SLC26A7: variants seen among roughly 807,000 people sequenced by gnomAD.
SLC26A7 encodes the protein solute carrier family 26 member 7.
In SLC26A7, 59 loss-of-function variants were observed where a neutral mutation model predicts 82.5. The ratio of observed to expected loss-of-function variants is 0.72; its 90% CI spans 0.58 to 0.89. The LOEUF is 0.89. Ranked by LOEUF, SLC26A7 falls within the 40% of genes least tolerant of loss-of-function variation. SLC26A7 has a pLI of 0.00. For synonymous variants in SLC26A7, 271 were observed against 274.3 expected, an observed-to-expected ratio of 0.99 and a Z score of 0.12; for missense variants, 820 against 793.0, an observed-to-expected ratio of 1.03 and a Z score of -0.41.
intron 10 of SLC26A7, among the ~76,000 whole-genome samples, chr8:91,352,101 C>G (rs941882415): frequency 8.6e-5 from 13 of 152,002 alleles, no homozygotes; most frequent in Middle Eastern, 3.4e-3. Context: ...GTTTTTGGCT[C>G]TCACATAAGA....
chr8:91,237,014 A>T (rs1292543095), intron 2 of SLC26A7, among the ~76,000 whole-genome samples: 1 of 152,216 alleles, frequency 6.6e-6, no homozygotes, highest in Admixed American at 6.5e-5. Flanking sequence ...CAAAGCTAAG[A>T]AGTGACAGAA....
chr8:91,348,984 G>A (rs907083482), intron 9 of SLC26A7, among the ~76,000 whole-genome samples: 3 of 152,258 alleles, frequency 2.0e-5, no homozygotes, highest in Admixed American at 6.5e-5. Flanking sequence ...GCCAGTTAGG[G>A]AATGATGGCT....
intron 1 of SLC26A7, among the ~76,000 whole-genome samples, chr8:91,212,145 CTAA>C (rs1165115696): frequency 6.6e-6 from 1 of 152,084 alleles, no homozygotes; most frequent in African/African-American, 2.4e-5. Flanking sequence ...ATATTAGCTA[CTAA>C]TGATATAAAT....
intron 13 of SLC26A7, among the ~76,000 whole-genome samples, chr8:91,365,490 C>T (rs1393659894): frequency 6.6e-6 from 1 of 152,180 alleles, no homozygotes; most frequent in Admixed American, 6.5e-5. Context: ...ACTAATATGA[C>T]AGGCCTAAGA....
chr8:91,369,732 A>G, intron 14 of SLC26A7, 53 bp from the exon 15 acceptor site: 1 of 1,323,902 alleles, frequency 7.6e-7, no homozygotes, highest in Non-Finnish European at 1.0e-6. Context: ...TTTTTTTCAG[A>G]CAGAAGTAAA....
chr8:91,300,607 C>T (rs1812139185), intron 4 of SLC26A7, among the ~76,000 whole-genome samples: 1 of 152,044 alleles, frequency 6.6e-6, no homozygotes, highest in Admixed American at 6.5e-5. Context: ...CCGTTATAGC[C>T]GGGATGGTCT....
intron 2 of SLC26A7, among the ~76,000 whole-genome samples, chr8:91,259,370 C>T (rs1024575868): frequency 6.6e-6 from 1 of 152,054 alleles, no homozygotes; most frequent in East Asian, 1.9e-4. Context: ...TTCTGCTCAG[C>T]TCTAGAACAG....
chr8:91,282,480 T>C (rs1341352798), intron 2 of SLC26A7, among the ~76,000 whole-genome samples: 1 of 152,188 alleles, frequency 6.6e-6, no homozygotes, highest in Non-Finnish European at 1.5e-5. Flanking sequence ...TCCTAGTTTT[T>C]GCTGAGCTTG....
chr8:91,278,524 G>C (rs899100449), intron 2 of SLC26A7, among the ~76,000 whole-genome samples: 32 of 152,036 alleles, frequency 2.1e-4, no homozygotes, highest in African/African-American at 7.5e-4. Context: ...AGTATATCAC[G>C]AAATTAATGC....
rs746364778 is a variant in SLC26A7 at position 91,353,021 on chromosome 8, A to C, written c.1314+25A>C. On this transcript the variant is annotated intron_variant, in intron 11 of 18. Coordinates refer to ENST00000276609, the MANE Select transcript of SLC26A7 (RefSeq NM_052832.4). ...GGTAAGTAGAAATTTGACCTAAAAC[A>C]ATCCCTTTTTAGCTTAAGCTTATGT... 7 of 1,516,848 alleles carry C rather than the reference A, an allele frequency of 4.6e-6. No individual in the cohort carries two copies. The East Asian group carries it at 1.1e-4, about 25-fold the overall frequency. 94.0% of individuals were successfully genotyped at this position (1,516,848 alleles called of 1,614,324 possible). A position where few individuals can be genotyped will look rare whatever the true frequency, so the allele number is the denominator to read the frequency against.
At chr8:91,332,952 A>G (rs1411814310) in intron 5 of SLC26A7, among the ~76,000 whole-genome samples, 1 of 152,142 alleles carries the variant, frequency 6.6e-6, no homozygotes, top group South Asian at 2.1e-4. Flanking sequence ...AATATTCTGT[A>G]TGAATTTGAG....
chr8:91,229,843 T>C (rs1430254768), intron 2 of SLC26A7, among the ~76,000 whole-genome samples: 1 of 152,204 alleles, frequency 6.6e-6, no homozygotes, highest in Non-Finnish European at 1.5e-5. Context: ...AAACAATGGA[T>C]ACCCGTTTAT....
At position 91,396,036 on chromosome 8, in the gene SLC26A7, G is replaced by A. The variant is rs1808562271; in HGVS notation, c.*939G>A. 1 of 152,018 alleles carries A rather than the reference G, an allele frequency of 6.6e-6. No homozygotes were observed. The highest frequency in any genetic ancestry group is 1.5e-5 in the Non-Finnish European group (1 of 67,920). The allele number at this position is 152,018 out of a possible 1,614,324, so 9.4% of individuals were successfully genotyped here. On this transcript the variant is annotated 3_prime_UTR_variant, in exon 19 of 19. Transcript: ENST00000276609. ...ATGTTTATCTATATCCATATGGATGGATAGGTAGGTAGATCTTCATAGATT... is the reference window on the plus strand; with the variant it reads ...ATGTTTATCTATATCCATATGGATGAATAGGTAGGTAGATCTTCATAGATT...
At chr8:91,217,001 C>T (rs922731600) in intron 1 of SLC26A7, among the ~76,000 whole-genome samples, 1 of 152,102 alleles carries the variant, frequency 6.6e-6, no homozygotes, top group African/African-American at 2.4e-5. Context: ...CCCAGCTCAC[C>T]TTTTTCTTAT....
intron 14 of SLC26A7, among the ~76,000 whole-genome samples, chr8:91,368,962 A>G (rs1814277761): frequency 2.6e-5 from 4 of 152,224 alleles, no homozygotes; most frequent in Admixed American, 2.6e-4. Flanking sequence ...CACTGGCTAT[A>G]AAGAAGAGAA....
In SLC26A7 at chr8:91,394,023, A is replaced by T; in HGVS notation, c.1919A>T (p.His640Leu). The change falls in exon 18 of 19, where the codon CAT becomes CTT. Residue 640 changes from histidine (H) to leucine (L), a missense_variant. Physicochemically the swap from His to Leu is moderately conservative, Grantham distance 99. Transcript: ENST00000276609. ...GAATCGGTATCTGCTGCAATAAGTC[A>T]TATCCATTCAAATAAGGTGAGTTGA... Reference protein sequence around the residue: ...FFESVSAAISHIHSNKNLSKL... With the variant: ...FFESVSAAISLIHSNKNLSKL... 6.2e-7 allele frequency: 1 copy of T among 1,613,326 alleles called. No individual in the cohort carries two copies. Among genetic ancestry groups the T allele is most frequent in the Non-Finnish European group, 8.5e-7 (1 of 1,179,350 alleles).
intron 14 of SLC26A7, among the ~76,000 whole-genome samples, chr8:91,368,328 C>T (rs551212170): frequency 1.4e-4 from 22 of 152,108 alleles, no homozygotes; most frequent in African/African-American, 4.6e-4. Flanking sequence ...ACTTAAGAAG[C>T]GTGGAATTAT....
At chr8:91,324,669 A>G (rs1812887062) in intron 5 of SLC26A7, among the ~76,000 whole-genome samples, 1 of 152,162 alleles carries the variant, frequency 6.6e-6, no homozygotes, top group East Asian at 1.9e-4. Context: ...CTGAGGAGGG[A>G]CGCAAAGTAT....
At chr8:91,372,371 A>G (rs1281841907) in intron 15 of SLC26A7, among the ~76,000 whole-genome samples, 4 of 152,032 alleles carry the variant, frequency 2.6e-5, no homozygotes, top group African/African-American at 9.6e-5. Context: ...TTCACGTCTT[A>G]TATTTAAGTC....
Sources: gnomAD v4.1 joint callset for allele counts (sites outside exome capture counted in the v4.1 genomes callset) on GRCh38, gnomAD v4.1.1 for gene constraint, MANE v1.5 for transcripts, NCBI Gene and HGNC (gene_info 2026-07-23, HGNC 2026-07-21) for gene names.